OR2T12: variants seen among roughly 807,000 people sequenced by gnomAD.
OR2T12 encodes the protein olfactory receptor family 2 subfamily T member 12, also known as olfactory receptor 2T12.
For missense variants in OR2T12, 335 were observed against 404.3 expected (o/e 0.83, Z 1.47); for synonymous variants, 127 against 160.5 (o/e 0.79, Z 1.58).
rs1331064087 is a variant in OR2T12, at chr1:248,294,577, G to T, written c.*39C>A. The stretch of plus-strand genomic sequence containing the variant: ...GGAGAGAATTACATAGTGTTAAAAT[G>T]TTAATAAATTCAGGAACTTAGACTC... On this transcript the variant is annotated 3_prime_UTR_variant, in exon 3 of 3. Coordinates refer to ENST00000641276, the MANE Select transcript of OR2T12 (RefSeq NM_001004692.2). The T allele has an allele frequency of 1.3e-6, 2 of 1,581,520 alleles. No individual in the cohort carries two copies. The highest frequency in any genetic ancestry group is 3.7e-5 in the Admixed American group (2 of 54,036).
intron 1 of OR2T12, among the ~76,000 whole-genome samples, chr1:248,302,649 G>T (rs543955210): frequency 6.6e-5 from 10 of 152,126 alleles, no homozygotes; most frequent in African/African-American, 2.4e-4. Context: ...TACAGGTTGA[G>T]GATTCTTTAT....
chr1:248,294,752 T>G lies in OR2T12; in HGVS notation c.827A>C (p.Tyr276Ser). 1.9e-6 allele frequency: 3 copies of G among 1,614,036 alleles called. No individual in the cohort carries two copies. Among genetic ancestry groups the G allele is most frequent in the Non-Finnish European group, 2.5e-6 (3 of 1,179,972 alleles). The change falls in exon 3 of 3, where the codon TAT (tyrosine) becomes TCT (serine). Residue 276 changes from tyrosine to serine, a missense_variant. By Grantham distance (144) the Tyr-to-Ser change is moderately radical. Transcript: ENST00000641276. Reference protein sequence around the residue: ...TNHDKVVSAFYTMFTPLLNPL... With the variant: ...TNHDKVVSAFSTMFTPLLNPL... The stretch of plus-strand genomic sequence containing the variant: ...ATTTAGTAAAGGGGTGAACATAGTA[T>G]AGAAGGCTGACACAACCTTATCGTG...
At chr1:248,300,543 G>A (rs1191581004) in intron 2 of OR2T12, among the ~76,000 whole-genome samples, 1 of 152,058 alleles carries the variant, frequency 6.6e-6, no homozygotes, top group Non-Finnish European at 1.5e-5. Context: ...GGCTTTTAAG[G>A]AAAATTGGGA....
At chr1:248,301,889 T>C (rs1291856109) in intron 1 of OR2T12, among the ~76,000 whole-genome samples, 1 of 152,012 alleles carries the variant, frequency 6.6e-6, no homozygotes, top group Non-Finnish European at 1.5e-5. Flanking sequence ...AACACAAAAT[T>C]CTTGAAAATC....
At chr1:248,300,440 T>C (rs4579792) in intron 2 of OR2T12, among the ~76,000 whole-genome samples, 119,621 of 152,008 alleles carry the variant, frequency 0.79, 47,352 homozygotes, top group South Asian at 0.88. Context: ...GTTCAGTCAA[T>C]GTCTTGAGAA....
rs1249770279 is a variant in OR2T12 at position 248,293,600 on chromosome 1, A to ATC, written c.*1014_*1015dup. On this transcript the variant is annotated 3_prime_UTR_variant, in exon 3 of 3. Transcript: ENST00000641276. ...GTGTCCCAAATTTTTCATCAGAAAT[A>ATC]TCTCTACTTACCTATGCCTTGGGAG... The ATC allele has an allele frequency of 2.6e-5, 4 of 152,152 alleles. No individual in the cohort carries two copies. Among genetic ancestry groups the ATC allele is most frequent in the African/African-American group, 9.6e-5 (4 of 41,454 alleles). 9.4% of individuals were successfully genotyped at this position (152,152 alleles called of 1,614,324 possible).
rs578172283 is a variant in OR2T12, at chr1:248,292,617, TTTTA to T, written c.*1995_*1998del. 26 of 152,132 alleles carry T rather than the reference TTTTA, an allele frequency of 1.7e-4. No homozygotes were observed. Among genetic ancestry groups the T allele is most frequent in the Non-Finnish European group, 3.7e-4 (25 of 67,972 alleles). 9.4% of individuals were successfully genotyped at this position (152,132 alleles called of 1,614,324 possible). ...TATAATTTCTAAAAGTATTTAAAAT[TTTTA>T]TTTCATATTTATTTTCATTGTGATC... On this transcript the variant is annotated 3_prime_UTR_variant, in exon 3 of 3. Coordinates refer to ENST00000641276, the MANE Select transcript of OR2T12 (RefSeq NM_001004692.2).
intron 2 of OR2T12, among the ~76,000 whole-genome samples, chr1:248,296,664 T>C (rs1659733170): frequency 2.0e-5 from 3 of 152,164 alleles, no homozygotes; most frequent in Admixed American, 2.0e-4. Context: ...TTTTGAGAAG[T>C]GTCTGTTCAT....
intron 1 of OR2T12, among the ~76,000 whole-genome samples, chr1:248,302,651 A>T (rs1288978262): frequency 1.3e-5 from 2 of 152,118 alleles, no homozygotes; most frequent in African/African-American, 4.8e-5. Flanking sequence ...CAGGTTGAGG[A>T]TTCTTTATCC....
chr1:248,292,622 T>C lies in OR2T12; in HGVS notation c.*1994A>G, dbSNP rs1659648027. 4 of 152,080 alleles carry C rather than the reference T, an allele frequency of 2.6e-5. No homozygotes were observed. 9.4% of individuals were successfully genotyped at this position (152,080 alleles called of 1,614,324 possible). On this transcript the variant is annotated 3_prime_UTR_variant, in exon 3 of 3. Coordinates refer to ENST00000641276, the MANE Select transcript of OR2T12 (RefSeq NM_001004692.2). Reference sequence around the variant, plus strand: ...TTTCTAAAAGTATTTAAAATTTTTATTTCATATTTATTTTCATTGTGATCA... The same window carrying C: ...TTTCTAAAAGTATTTAAAATTTTTACTTCATATTTATTTTCATTGTGATCA...
In OR2T12 at chr1:248,293,474, G is replaced by T. The variant is rs540387497; in HGVS notation, c.*1142C>A. ...GATATCCAGTCTCTGATTACAATTTGGCTTTGATAACCACTGCTTTCCTCC... is the reference window on the plus strand; with the variant it reads ...GATATCCAGTCTCTGATTACAATTTTGCTTTGATAACCACTGCTTTCCTCC... On this transcript the variant is annotated 3_prime_UTR_variant, in exon 3 of 3. Coordinates refer to ENST00000641276, the MANE Select transcript of OR2T12 (RefSeq NM_001004692.2). The T allele has an allele frequency of 3.9e-5, 6 of 152,020 alleles. No homozygotes were observed. The highest frequency in any genetic ancestry group is 9.7e-5 in the African/African-American group (4 of 41,418). The allele number at this position is 152,020 out of a possible 1,614,324, so 9.4% of individuals were successfully genotyped here. A position where few individuals can be genotyped will look rare whatever the true frequency, so the allele number is the denominator to read the frequency against.
chr1:248,298,971 A>C (rs1457116830), intron 2 of OR2T12, among the ~76,000 whole-genome samples: 1 of 152,176 alleles, frequency 6.6e-6, no homozygotes, highest in East Asian at 1.9e-4. Context: ...AATACTTTAC[A>C]GACAAGCAAA....
intron 1 of OR2T12, among the ~76,000 whole-genome samples, chr1:248,303,028 G>A (rs549293115): frequency 6.6e-6 from 1 of 151,998 alleles, no homozygotes; most frequent in East Asian, 1.9e-4. Context: ...ATCATGTCCT[G>A]TTCTCATCTG....
rs1659708927 is a variant in OR2T12 at position 248,295,473 on chromosome 1, A to G, written c.106T>C (p.Ser36Pro). The change falls in exon 3 of 3, where the codon TCC becomes CCC. Residue 36 changes from serine to proline, a missense_variant. Ser to Pro is a moderately conservative substitution (Grantham distance 74). Coordinates refer to ENST00000641276, the MANE Select transcript of OR2T12 (RefSeq NM_001004692.2). ...FMMLLATVLTSLFSNALMILL... is the reference protein window; with the variant it reads ...FMMLLATVLTPLFSNALMILL... Reference sequence around the variant, plus strand: ...ATCATGAGGGCATTGCTAAACAGGGAGGTCAAAACGGTGGCCAGAAGCATC... The same window carrying G: ...ATCATGAGGGCATTGCTAAACAGGGGGGTCAAAACGGTGGCCAGAAGCATC... 1.2e-6 allele frequency: 2 copies of G among 1,612,868 alleles called. No homozygotes were observed.
At chr1:248,302,996 AG>A (rs1168861869) in intron 1 of OR2T12, among the ~76,000 whole-genome samples, 1 of 152,136 alleles carries the variant, frequency 6.6e-6, no homozygotes, top group Non-Finnish European at 1.5e-5. Flanking sequence ...TAAAGAAAAG[AG>A]AATGTGGCCA....
intron 2 of OR2T12, among the ~76,000 whole-genome samples, chr1:248,300,507 CA>C (rs1294597647): frequency 6.6e-6 from 1 of 152,046 alleles, no homozygotes; most frequent in East Asian, 1.9e-4. Context: ...CTCAGGGTGC[CA>C]TTGTGTTAAC....
rs933731318 is a variant in OR2T12 at position 248,290,804 on chromosome 1, A to G, written c.*3812T>C. On this transcript the variant is annotated 3_prime_UTR_variant, in exon 3 of 3. Transcript: ENST00000641276. ...TGTGCACAATGTGCAGGTTTGTTAC[A>G]TATGTATACATGTGCCATGTTGGTG... 3.9e-5 allele frequency: 6 copies of G among 152,130 alleles called. No individual in the cohort carries two copies. Among genetic ancestry groups the G allele is most frequent in the African/African-American group, 1.4e-4 (6 of 41,444 alleles). 9.4% of individuals were successfully genotyped at this position (152,130 alleles called of 1,614,324 possible). A position where few individuals can be genotyped will look rare whatever the true frequency, so the allele number is the denominator to read the frequency against.
rs149564200 is a variant in OR2T12, at chr1:248,293,792, C to T, written c.*824G>A. 24 of 152,124 alleles carry T rather than the reference C, an allele frequency of 1.6e-4. No homozygotes were observed. The highest frequency in any genetic ancestry group is 5.5e-4 in the African/African-American group (23 of 41,508). The allele number at this position is 152,124 out of a possible 1,614,324, so 9.4% of individuals were successfully genotyped here. On this transcript the variant is annotated 3_prime_UTR_variant, in exon 3 of 3. Coordinates refer to ENST00000641276, the MANE Select transcript of OR2T12 (RefSeq NM_001004692.2). ...CTTAAAGCACGTGTAGAAAAGAGAACTTATTTGTAGTTTAAAACAATTTTC... is the reference window on the plus strand; with the variant it reads ...CTTAAAGCACGTGTAGAAAAGAGAATTTATTTGTAGTTTAAAACAATTTTC...
At chr1:248,300,609 A>G in intron 2 of OR2T12, among the ~76,000 whole-genome samples, 1 of 152,152 alleles carries the variant, frequency 6.6e-6, no homozygotes, top group Non-Finnish European at 1.5e-5. Flanking sequence ...ATTCACTTCA[A>G]GAAAATAACT....
Sources: gnomAD v4.1 joint callset for allele counts (sites outside exome capture counted in the v4.1 genomes callset) on GRCh38, gnomAD v4.1.1 for gene constraint, MANE v1.5 for transcripts, NCBI Gene and HGNC (gene_info 2026-07-23, HGNC 2026-07-21) for gene names.